Variants in ADCY5 observed in about 807,000 individuals in gnomAD.
ADCY5 encodes adenylate cyclase 5.
Under a neutral mutation model 119.7 loss-of-function variants are expected in ADCY5, and 30 were observed. That is an observed-to-expected ratio of 0.25 (90% CI 0.19 to 0.34). The LOEUF is 0.34. ADCY5 is among the 10% of genes least tolerant of loss of function. The pLI is 1.00. For synonymous variants in ADCY5, 753 were observed against 762.2 expected (o/e 0.99, Z 0.20); for missense variants, 1,324 against 1,775.2 (o/e 0.75, Z 4.57).
intron 1 of ADCY5, among the ~76,000 whole-genome samples, chr3:123,413,614 T>TAAC (rs766807890): frequency 1.7e-4 from 26 of 152,150 alleles, no homozygotes; most frequent in Admixed American, 1.2e-3. Flanking sequence ...AGCAACCGAT[T>TAAC]AACAGCCTTT....
Position 123,304,185 on chromosome 3 carries a change from TAGGGTGGGGGCA to T in ADCY5, c.2443-14_2443-3del. ...GGTCTGCAGTGGGGAGGGGAAGAGC[TAGGGTGGGGGCA>T]GGGGTGGAGAGGGAGGGAGGGAGAG... On this transcript the variant is annotated splice_polypyrimidine_tract_variant and splice_region_variant and intron_variant, in intron 12 of 20. Transcript: ENST00000462833. 6.9e-7 allele frequency: 1 copy of T among 1,448,380 alleles called. No individual in the cohort carries two copies. Among genetic ancestry groups the T allele is most frequent in the Middle Eastern group, 1.8e-4 (1 of 5,596 alleles). The allele number at this position is 1,448,380 out of a possible 1,614,324, so 89.7% of individuals were successfully genotyped here.
intron 2 of ADCY5, among the ~76,000 whole-genome samples, chr3:123,349,680 T>A (rs1018637844): frequency 6.6e-6 from 1 of 152,162 alleles, no homozygotes; most frequent in Non-Finnish European, 1.5e-5. Flanking sequence ...GCCTCATGCT[T>A]GCCTGGCCCG....
chr3:123,327,762 A>G lies in ADCY5; in HGVS notation c.1806-3T>C, dbSNP rs368224123. On this transcript the variant is annotated splice_polypyrimidine_tract_variant and splice_region_variant and intron_variant, in intron 6 of 20. Coordinates refer to ENST00000462833, the MANE Select transcript of ADCY5 (RefSeq NM_183357.3). ...TAGCCTTGGTGATGTGGATGCGTCT[A>G]CAGGGGGGCAGGGATCAGGGTGGAG... The G allele has an allele frequency of 5.0e-5, 80 of 1,613,914 alleles. No individual in the cohort carries two copies. Among genetic ancestry groups the G allele is most frequent in the Non-Finnish European group, 6.7e-5 (79 of 1,179,972 alleles).
intron 1 of ADCY5, among the ~76,000 whole-genome samples, chr3:123,409,162 G>A (rs372755823): frequency 6.6e-6 from 1 of 152,102 alleles, no homozygotes. Flanking sequence ...TAACCAGCCT[G>A]GAAAGTCTTT....
chr3:123,323,030 G>A (rs1209416720), intron 8 of ADCY5, among the ~76,000 whole-genome samples: 1 of 152,150 alleles, frequency 6.6e-6, no homozygotes, highest in Non-Finnish European at 1.5e-5. Flanking sequence ...AAGCCCAATG[G>A]CCCTCGCGGC....
chr3:123,430,697 C>T (rs182833637), intron 1 of ADCY5, among the ~76,000 whole-genome samples: 2 of 152,340 alleles, frequency 1.3e-5, no homozygotes, highest in Non-Finnish European at 2.9e-5. Context: ...CACAAATCCA[C>T]ATGTGGTCAT....
intron 12 of ADCY5, among the ~76,000 whole-genome samples, chr3:123,313,827 A>G (rs936381538): frequency 6.6e-6 from 1 of 152,224 alleles, no homozygotes; most frequent in African/African-American, 2.4e-5. Flanking sequence ...AAAATCCCAG[A>G]GCACATGGGA....
At position 123,330,930 on chromosome 3, in the gene ADCY5, G is replaced by A; in HGVS notation, c.1605C>T (p.His535=). 1.2e-6 allele frequency: 2 copies of A among 1,614,026 alleles called. No individual in the cohort carries two copies. The highest frequency in any genetic ancestry group is 1.7e-6 in the Non-Finnish European group (2 of 1,179,944). The change falls in exon 5 of 21, where the codon CAC becomes CAT. Residue 535 remains histidine, a synonymous_variant. Coordinates refer to ENST00000462833, the MANE Select transcript of ADCY5 (RefSeq NM_183357.3). ...GLPEARADHA[H]CCVEMGMDMI... is the part of the protein sequence containing the mutation. The stretch of plus-strand genomic sequence containing the variant: ...TGTCCATGCCCATCTCCACACAGCA[G>A]TGGGCGTGGTCAGCCCTTGCTTCAG...
intron 1 of ADCY5, among the ~76,000 whole-genome samples, chr3:123,412,292 C>T (rs1359877535): frequency 1.3e-5 from 2 of 152,170 alleles, no homozygotes; most frequent in Non-Finnish European, 1.5e-5. Flanking sequence ...AGAAGGTATT[C>T]GCCCCAACAG....
chr3:123,297,460 G>A (rs185068359), intron 15 of ADCY5, 78 bp from the exon 16 acceptor site: 122 of 1,462,238 alleles, frequency 8.3e-5, no homozygotes, highest in Admixed American at 5.4e-4. Context: ...CAGCCCCCAC[G>A]CCCTGCTCTG....
chr3:123,448,687 G>GT lies in ADCY5; in HGVS notation c.-143_-142insA. ...GCCCGGGGCCCTGCGCTGCAGCGGG[G>GT]CATCTTGGCACCCCCGTCCTGAGCG... On this transcript the variant is annotated 5_prime_UTR_variant, in exon 1 of 21. It removes the in-frame stop codon of an upstream open reading frame in the 5' UTR. Transcript: ENST00000462833. The GT allele has an allele frequency of 1.5e-6, 1 of 673,466 alleles. No individual in the cohort carries two copies. Among genetic ancestry groups the GT allele is most frequent in the Non-Finnish European group, 2.1e-6 (1 of 477,600 alleles). The allele number at this position is 673,466 out of a possible 1,614,324, so 41.7% of individuals were successfully genotyped here. A position where few individuals can be genotyped will look rare whatever the true frequency, so the allele number is the denominator to read the frequency against.
chr3:123,292,384 A>G (rs114756639), intron 17 of ADCY5, among the ~76,000 whole-genome samples: 2,536 of 152,266 alleles, frequency 0.017, 66 homozygotes, highest in African/African-American at 0.054. Context: ...CAGAAGATCC[A>G]GGACCCCTAG....
Position 123,448,487 on chromosome 3 carries a change from G to A in ADCY5, c.59C>T (p.Pro20Leu). 5.5e-6 allele frequency: 7 copies of A among 1,269,030 alleles called. No individual in the cohort carries two copies. Among genetic ancestry groups the A allele is most frequent in the Non-Finnish European group, 6.9e-6 (7 of 1,008,998 alleles). The allele number at this position is 1,269,030 out of a possible 1,614,324, so 78.6% of individuals were successfully genotyped here. A position where few individuals can be genotyped will look rare whatever the true frequency, so the allele number is the denominator to read the frequency against. Residue 20 changes from proline (P) to leucine (L), a missense_variant, in exon 1 of 21, where the codon CCG becomes CTG. Physicochemically the swap from Pro to Leu is moderately conservative, Grantham distance 98. Coordinates refer to ENST00000462833, the MANE Select transcript of ADCY5 (RefSeq NM_183357.3). ...GTGTTCGGGGCCTCCCCGGGGCGCC[G>A]GCGCCGCAGTCTTCTGCGCCGCGTA... ...PGYAAQKTAA[P>L]APRGGPEHRS...
intron 14 of ADCY5, among the ~76,000 whole-genome samples, chr3:123,300,712 C>A (rs1286762973): frequency 6.6e-6 from 1 of 152,204 alleles, no homozygotes; most frequent in Non-Finnish European, 1.5e-5. Context: ...CCCTCAATAA[C>A]CGTGGGGAGC....
At chr3:123,359,768 C>G (rs1279581970) in intron 1 of ADCY5, among the ~76,000 whole-genome samples, 1 of 152,200 alleles carries the variant, frequency 6.6e-6, no homozygotes, top group East Asian at 1.9e-4. Context: ...GCCCTAAAGA[C>G]AGGCACAACT....
chr3:123,383,406 A>T (rs9856467), intron 1 of ADCY5, among the ~76,000 whole-genome samples: 3,109 of 152,130 alleles, frequency 0.02, 116 homozygotes, highest in African/African-American at 0.072. Flanking sequence ...GCGAAGGCCC[A>T]CTCTCTCCAC....
chr3:123,337,310 C>T (rs548862117), intron 3 of ADCY5, among the ~76,000 whole-genome samples: 261 of 152,324 alleles, frequency 1.7e-3, no homozygotes, highest in African/African-American at 6.1e-3. Context: ...GCGGGCCATG[C>T]CTACCTTGGC....
intron 13 of ADCY5, among the ~76,000 whole-genome samples, chr3:123,303,762 T>C (rs962535723): frequency 2.0e-5 from 3 of 151,458 alleles, no homozygotes; most frequent in Non-Finnish European, 4.4e-5. Flanking sequence ...GAGGTGGAGG[T>C]TGCAGTGAGC....
chr3:123,327,539 G>T, intron 7 of ADCY5, 79 bp downstream of exon 7: 1 of 1,401,088 alleles, frequency 7.1e-7, no homozygotes. Context: ...CAAGGAAAGA[G>T]AAGGAAGCAG....
Sources: gnomAD v4.1 joint callset for allele counts (sites outside exome capture counted in the v4.1 genomes callset) on GRCh38, gnomAD v4.1.1 for gene constraint, MANE v1.5 for transcripts, NCBI Gene and HGNC (gene_info 2026-07-23, HGNC 2026-07-21) for gene names.